Variants in CLSTN2 observed in about 807,000 individuals in gnomAD.
CLSTN2 encodes calsyntenin-2.
In CLSTN2, 48 loss-of-function variants were observed where a neutral mutation model predicts 101.2. The observed-to-expected ratio is 0.47, with a 90% CI of 0.38 to 0.60. The LOEUF (loss-of-function observed/expected upper bound fraction) is 0.60. Among genes scored for constraint, CLSTN2 ranks in the 20% least tolerant of loss-of-function variants. CLSTN2 has a pLI of 0.00. For missense variants in CLSTN2, 1,160 were observed against 1,238.2 expected, an observed-to-expected ratio of 0.94 and a Z score of 0.95; for synonymous variants, 481 against 463.6, an observed-to-expected ratio of 1.04 and a Z score of -0.48.
At chr3:140,228,082 A>C (rs1312114322) in intron 2 of CLSTN2, among the ~76,000 whole-genome samples, 2 of 152,164 alleles carry the variant, frequency 1.3e-5, no homozygotes, top group Non-Finnish European at 2.9e-5. Flanking sequence ...AGCTGGCTTG[A>C]ATTTCTCCTC....
intron 2 of CLSTN2, among the ~76,000 whole-genome samples, chr3:140,280,913 A>G (rs1385344108): frequency 6.6e-6 from 1 of 152,234 alleles, no homozygotes; most frequent in Non-Finnish European, 1.5e-5. Flanking sequence ...TCTAAAAGTC[A>G]ATTCAGATTA....
At chr3:140,367,994 A>T (rs953146826) in intron 2 of CLSTN2, among the ~76,000 whole-genome samples, 3 of 152,170 alleles carry the variant, frequency 2.0e-5, no homozygotes, top group Non-Finnish European at 4.4e-5. Flanking sequence ...AGGGAAACAA[A>T]CTTGTCTTCC....
intron 2 of CLSTN2, among the ~76,000 whole-genome samples, chr3:140,364,068 T>A (rs2087758812): frequency 6.6e-6 from 1 of 152,230 alleles, no homozygotes; most frequent in Non-Finnish European, 1.5e-5. Context: ...TTCATTGCTG[T>A]ACTGTTTTCT....
chr3:140,059,914 T>C (rs955642303), intron 1 of CLSTN2, among the ~76,000 whole-genome samples: 2 of 152,196 alleles, frequency 1.3e-5, no homozygotes, highest in Non-Finnish European at 2.9e-5. Flanking sequence ...TGCTTAATGA[T>C]GGAGTTAAGA....
At chr3:140,352,516 C>T (rs2087619502) in intron 2 of CLSTN2, among the ~76,000 whole-genome samples, 1 of 152,202 alleles carries the variant, frequency 6.6e-6, no homozygotes, top group Admixed American at 6.5e-5. Context: ...GGAACAATTA[C>T]CTTGTAAACA....
At chr3:140,559,384 AG>A (rs1245870337) in intron 12 of CLSTN2, among the ~76,000 whole-genome samples, 13 of 152,036 alleles carry the variant, frequency 8.6e-5, no homozygotes, top group Admixed American at 8.5e-4. Flanking sequence ...TATATATAAA[AG>A]TTAGGTCTCA....
intron 2 of CLSTN2, among the ~76,000 whole-genome samples, chr3:140,278,081 T>A (rs186412237): frequency 6.6e-6 from 1 of 152,256 alleles, no homozygotes; most frequent in East Asian, 1.9e-4. Flanking sequence ...GCCCGCAGAA[T>A]CAGTGTGCAA....
At chr3:140,216,807 A>G (rs2010926494) in intron 2 of CLSTN2, among the ~76,000 whole-genome samples, 1 of 152,210 alleles carries the variant, frequency 6.6e-6, no homozygotes, top group Non-Finnish European at 1.5e-5. Context: ...AATAGGAAGA[A>G]TATACTCAGA....
chr3:139,985,475 C>T (rs1040732873), intron 1 of CLSTN2, among the ~76,000 whole-genome samples: 1 of 152,102 alleles, frequency 6.6e-6, no homozygotes, highest in Non-Finnish European at 1.5e-5. Context: ...TTTGGGGTCT[C>T]TAGATTGCGT....
intron 8 of CLSTN2, among the ~76,000 whole-genome samples, chr3:140,484,158 G>C (rs1280010778): frequency 6.6e-6 from 1 of 152,126 alleles, no homozygotes; most frequent in Non-Finnish European, 1.5e-5. Context: ...GGCAGGCCTG[G>C]TGGTGACAAA....
chr3:140,306,098 C>T (rs1038037394), intron 2 of CLSTN2, among the ~76,000 whole-genome samples: 6 of 152,200 alleles, frequency 3.9e-5, no homozygotes, highest in Non-Finnish European at 8.8e-5. Flanking sequence ...CTACACATAT[C>T]CAGATCCTAT....
chr3:140,026,984 G>A (rs906066839), intron 1 of CLSTN2, among the ~76,000 whole-genome samples: 1 of 152,232 alleles, frequency 6.6e-6, no homozygotes, highest in African/African-American at 2.4e-5. Flanking sequence ...TGGAGCTCTG[G>A]GAATTATCGC....
At chr3:140,157,927 A>G (rs987026512) in intron 1 of CLSTN2, among the ~76,000 whole-genome samples, 5 of 152,226 alleles carry the variant, frequency 3.3e-5, no homozygotes, top group African/African-American at 9.6e-5. Flanking sequence ...TATCATTTCA[A>G]TAGATGCAGA....
intron 2 of CLSTN2, among the ~76,000 whole-genome samples, chr3:140,260,166 A>G (rs1203086364): frequency 6.7e-6 from 1 of 148,714 alleles, no homozygotes; most frequent in Non-Finnish European, 1.5e-5. Context: ...ATTATATATA[A>G]AATACTGTAC....
rs1271825873 is a variant in CLSTN2 at position 140,572,830 on chromosome 3, A to C, written c.*6577A>C. 1 of 152,374 alleles carries C rather than the reference A, an allele frequency of 6.6e-6. No homozygotes were observed. Among genetic ancestry groups the C allele is most frequent in the African/African-American group, 2.4e-5 (1 of 41,462 alleles). The allele number at this position is 152,374 out of a possible 1,614,324, so 9.4% of individuals were successfully genotyped here. ...ACTGACTATTAACTAACAAGGTAAA[A>C]TCAATGACTAGTGCAGTGAGGGTGC... On this transcript the variant is annotated 3_prime_UTR_variant, in exon 17 of 17. Coordinates refer to ENST00000458420, the MANE Select transcript of CLSTN2 (RefSeq NM_022131.3).
chr3:139,995,888 C>T (rs544232188), intron 1 of CLSTN2, among the ~76,000 whole-genome samples: 2 of 152,234 alleles, frequency 1.3e-5, no homozygotes, highest in East Asian at 1.9e-4. Context: ...AATTTGACCT[C>T]GGGTATATTG....
intron 1 of CLSTN2, among the ~76,000 whole-genome samples, chr3:140,076,967 T>C (rs1440155506): frequency 6.6e-6 from 1 of 152,142 alleles, no homozygotes; most frequent in African/African-American, 2.4e-5. Context: ...CACTGTGCTT[T>C]GGAGCTGGTG....
intron 2 of CLSTN2, among the ~76,000 whole-genome samples, chr3:140,394,863 A>T (rs2088162422): frequency 6.6e-6 from 1 of 152,192 alleles, no homozygotes; most frequent in Non-Finnish European, 1.5e-5. Flanking sequence ...ATGTCCAGGG[A>T]TGGTTTGCTG....
At chr3:140,368,598 C>T (rs1411980988) in intron 2 of CLSTN2, among the ~76,000 whole-genome samples, 1 of 152,164 alleles carries the variant, frequency 6.6e-6, no homozygotes, top group Non-Finnish European at 1.5e-5. Context: ...TCAAACCTCA[C>T]CATCATGAAT....
Sources: gnomAD v4.1 joint callset for allele counts (sites outside exome capture counted in the v4.1 genomes callset) on GRCh38, gnomAD v4.1.1 for gene constraint, MANE v1.5 for transcripts, NCBI Gene and HGNC (gene_info 2026-07-23, HGNC 2026-07-21) for gene names.